The following CACNA2D3 variants were observed in gnomAD, a reference collection of about 807,000 sequenced individuals.
CACNA2D3 encodes calcium voltage-gated channel auxiliary subunit alpha2delta 3, also known as voltage-dependent calcium channel subunit alpha-2/delta-3.
In CACNA2D3, 60 loss-of-function variants were observed where a neutral mutation model predicts 160.6. The observed-to-expected ratio is 0.37, with a 90% confidence interval of 0.30 to 0.46. The LOEUF is 0.46. Ranked by LOEUF, CACNA2D3 falls within the 20% of genes least tolerant of loss-of-function variation. The pLI, the probability that CACNA2D3 is intolerant of heterozygous loss-of-function variation, is 1.00. For synonymous variants in CACNA2D3, 558 were observed against 492.9 expected, an observed-to-expected ratio of 1.13 and a Z score of -1.75; for missense variants, 1,205 against 1,365.0, an observed-to-expected ratio of 0.88 and a Z score of 1.85.
intron 4 of CACNA2D3, among the ~76,000 whole-genome samples, chr3:54,456,455 G>A (rs1038152506): frequency 4.6e-5 from 7 of 151,910 alleles, no homozygotes; most frequent in Non-Finnish European, 1.0e-4. Context: ...CGTTCTAAGA[G>A]TTTTGGTGGA....
chr3:54,839,327 G>C (rs539778475), intron 16 of CACNA2D3, among the ~76,000 whole-genome samples: 6 of 152,244 alleles, frequency 3.9e-5, no homozygotes, highest in African/African-American at 1.4e-4. Context: ...TTTCCTGGTG[G>C]GGACTCTTTG....
intron 4 of CACNA2D3, among the ~76,000 whole-genome samples, chr3:54,388,106 T>G (rs1464610188): frequency 6.6e-6 from 1 of 152,158 alleles, no homozygotes; most frequent in Non-Finnish European, 1.5e-5. Flanking sequence ...GAAACCAACA[T>G]GCAGTGGTGT....
intron 2 of CACNA2D3, among the ~76,000 whole-genome samples, chr3:54,260,890 C>T (rs1702389995): frequency 6.6e-6 from 1 of 152,158 alleles, no homozygotes; most frequent in South Asian, 2.1e-4. Context: ...AATCTAAAGT[C>T]TTTTGCCCAG....
intron 13 of CACNA2D3, among the ~76,000 whole-genome samples, chr3:54,803,749 A>G (rs1703049465): frequency 6.6e-6 from 1 of 152,208 alleles, no homozygotes; most frequent in Non-Finnish European, 1.5e-5. Context: ...AAGACACATA[A>G]TTGTCAGATT....
At chr3:55,003,261 A>C (rs1335445625) in intron 31 of CACNA2D3, among the ~76,000 whole-genome samples, 2 of 152,166 alleles carry the variant, frequency 1.3e-5, no homozygotes, top group Non-Finnish European at 2.9e-5. Flanking sequence ...TCGACTTTAC[A>C]TGTCTCTCCT....
intron 35 of CACNA2D3, among the ~76,000 whole-genome samples, chr3:55,035,472 G>A (rs949351088): frequency 1.3e-5 from 2 of 152,184 alleles, no homozygotes; most frequent in Non-Finnish European, 2.9e-5. Flanking sequence ...AATGGACCCT[G>A]ATTAAAACAG....
chr3:54,231,318 C>T (rs1701766871), intron 2 of CACNA2D3, among the ~76,000 whole-genome samples: 1 of 152,194 alleles, frequency 6.6e-6, no homozygotes, highest in Non-Finnish European at 1.5e-5. Context: ...GGTCCTCACT[C>T]TGCCAGCTAA....
intron 27 of CACNA2D3, chr3:54,918,853 G>A: frequency 6.4e-7 from 1 of 1,569,976 alleles, no homozygotes; most frequent in Admixed American, 1.8e-5. Context: ...TCCCTTCCAG[G>A]TGTCTGGTGA....
chr3:54,583,371 T>C (rs1457784209), intron 9 of CACNA2D3, among the ~76,000 whole-genome samples: 3 of 152,208 alleles, frequency 2.0e-5, no homozygotes, highest in Admixed American at 2.0e-4. Flanking sequence ...AGTTTATGGA[T>C]ATTGAAGACT....
chr3:54,213,383 A>G (rs898095799), intron 2 of CACNA2D3, among the ~76,000 whole-genome samples: 2 of 152,178 alleles, frequency 1.3e-5, no homozygotes, highest in Non-Finnish European at 1.5e-5. Context: ...GCTTTGAGCC[A>G]TTAAAGGCCA....
intron 9 of CACNA2D3, among the ~76,000 whole-genome samples, chr3:54,588,183 A>G (rs1431138726): frequency 6.6e-6 from 1 of 152,184 alleles, no homozygotes. Context: ...AATGTAATCT[A>G]CTATATCAAC....
intron 2 of CACNA2D3, among the ~76,000 whole-genome samples, chr3:54,152,308 T>G (rs1373663284): frequency 6.6e-6 from 1 of 152,236 alleles, no homozygotes; most frequent in Non-Finnish European, 1.5e-5. Flanking sequence ...TGGATTTCGA[T>G]CATTGGGTGT....
intron 2 of CACNA2D3, among the ~76,000 whole-genome samples, chr3:54,257,594 TC>T (rs1702322417): frequency 6.6e-6 from 1 of 152,208 alleles, no homozygotes; most frequent in Admixed American, 6.5e-5. Context: ...ATGGTTTTCT[TC>T]TAGAAAGGTT....
intron 14 of CACNA2D3, among the ~76,000 whole-genome samples, chr3:54,828,932 G>C (rs1703806536): frequency 1.3e-5 from 2 of 152,204 alleles, no homozygotes; most frequent in Non-Finnish European, 2.9e-5. Context: ...AGACAATCAA[G>C]TGAAAAGCAA....
At chr3:55,006,970 G>A (rs1466694124) in intron 32 of CACNA2D3, among the ~76,000 whole-genome samples, 3 of 152,148 alleles carry the variant, frequency 2.0e-5, no homozygotes, top group Admixed American at 6.5e-5. Flanking sequence ...GACATCTGGA[G>A]CCCAGAGCCC....
chr3:54,274,385 C>T (rs577108687), intron 2 of CACNA2D3, among the ~76,000 whole-genome samples: 1 of 152,022 alleles, frequency 6.6e-6, no homozygotes, highest in East Asian at 1.9e-4. Context: ...ATCCTTGAGG[C>T]CCACTTCAAG....
At chr3:54,466,156 G>C (rs1319460769) in intron 4 of CACNA2D3, among the ~76,000 whole-genome samples, 1 of 152,180 alleles carries the variant, frequency 6.6e-6, no homozygotes, top group Non-Finnish European at 1.5e-5. Context: ...ACTGACTCAA[G>C]ACTTTAATTT....
chr3:54,874,183 C>T (rs1699608520), intron 18 of CACNA2D3, among the ~76,000 whole-genome samples: 1 of 152,276 alleles, frequency 6.6e-6, no homozygotes, highest in Non-Finnish European at 1.5e-5. Flanking sequence ...ATAAAATAGA[C>T]TGGCTAAAAT....
Position 54,426,312 on chromosome 3 carries a change from C to T in CACNA2D3, c.381+39538C>T, listed in dbSNP as rs140427919. Among the ~76,000 whole-genome samples, 168 of 152,262 alleles carry T rather than the reference C, an allele frequency of 1.1e-3. 2 individuals carry two copies. The highest frequency in any genetic ancestry group is 0.01 in the Admixed American group (156 of 15,296). On this transcript the variant is annotated intron_variant, in intron 4 of 37. Transcript: ENST00000474759. ...CATAAAATAGCAGTAATTTTTATAG[C>T]TCTAAGTTATGTTGTTGTTCTTTAG...
Sources: gnomAD v4.1 joint callset for allele counts (sites outside exome capture counted in the v4.1 genomes callset) on GRCh38, gnomAD v4.1.1 for gene constraint, MANE v1.5 for transcripts, NCBI Gene and HGNC (gene_info 2026-07-23, HGNC 2026-07-21) for gene names.